MEFV: variants seen among roughly 807,000 people sequenced by gnomAD.
The protein encoded by MEFV is MEFV innate immunity regulator, pyrin, also known as pyrin.
In MEFV, 60 loss-of-function variants were observed where a neutral mutation model predicts 62.5. The ratio of observed to expected loss-of-function variants is 0.96; its 90% CI spans 0.78 to 1.19. The LOEUF (loss-of-function observed/expected upper bound fraction) is 1.19. Among genes scored for constraint, MEFV ranks in the 50% most tolerant of loss-of-function variants. The pLI, the probability that MEFV is intolerant of heterozygous loss-of-function variation, is 0.00. For synonymous variants in MEFV, 500 were observed against 415.2 expected (o/e 1.20, Z -2.48); for missense variants, 1,169 against 1,004.5 (o/e 1.16, Z -2.21).
intron 6 of MEFV, 148 bp from the exon 7 acceptor site, chr16:3,244,736 C>A: frequency 1.4e-6 from 1 of 717,022 alleles, no homozygotes; most frequent in Non-Finnish European, 2.5e-6. Context: ...ATTCAGAGGT[C>A]TAAATGCTGG....
In MEFV at chr16:3,247,076, G is replaced by C; in HGVS notation, c.1527C>G (p.Leu509=). Residue 509 remains leucine, a synonymous_variant, in exon 5 of 10, where the codon CTC becomes CTG. Coordinates refer to ENST00000219596, the MANE Select transcript of MEFV (RefSeq NM_000243.3). ...DTRVSQDIAL[L]DALIGELEAK... ...CCTCCAGTTCCCCAATCAGCGCATC[G>C]AGCAGGGCGATGTCCTGGGATACGC... 6.2e-7 allele frequency: 1 copy of C among 1,614,168 alleles called. No individual in the cohort carries two copies. Among genetic ancestry groups the C allele is most frequent in the Non-Finnish European group, 8.5e-7 (1 of 1,180,026 alleles).
intron 1 of MEFV, among the ~76,000 whole-genome samples, chr16:3,255,267 AGATCG>A (rs751240146): frequency 1.3e-5 from 2 of 151,682 alleles, no homozygotes; most frequent in African/African-American, 4.8e-5. Flanking sequence ...CAGTGAGCTG[AGATCG>A]GGCCACTGCA....
At chr16:3,244,442 G>A (rs769198998) in intron 7 of MEFV, 31 bp downstream of exon 7, 2 of 1,591,624 alleles carry the variant, frequency 1.3e-6, no homozygotes, top group Non-Finnish European at 1.7e-6. Context: ...AAGTGAGCAT[G>A]CACCTCCAAT....
intron 2 of MEFV, among the ~76,000 whole-genome samples, chr16:3,250,023 T>A (rs888377921): frequency 2.6e-5 from 4 of 152,178 alleles, no homozygotes; most frequent in African/African-American, 9.6e-5. Flanking sequence ...TGGGCATTTA[T>A]CCTAAAGAAA....
chr16:3,252,517 G>A (rs930554143), intron 2 of MEFV, among the ~76,000 whole-genome samples: 1 of 151,818 alleles, frequency 6.6e-6, no homozygotes, highest in Non-Finnish European at 1.5e-5. Context: ...CAGGTGATCC[G>A]CCCCCATTGG....
intron 2 of MEFV, among the ~76,000 whole-genome samples, chr16:3,250,510 G>T (rs946181977): frequency 6.6e-6 from 1 of 152,090 alleles, no homozygotes; most frequent in Non-Finnish European, 1.5e-5. Context: ...TTGGGAGGCT[G>T]AGACAGGAGG....
chr16:3,256,623 G>A lies in MEFV; in HGVS notation c.-36C>T, dbSNP rs549713300. Reference sequence around the variant, plus strand: ...AGGAGAGGCTCGAGCCAGCTGTCTGGCTTCTGGTAGGAAAAGAAGCCTCTG... The same window carrying A: ...AGGAGAGGCTCGAGCCAGCTGTCTGACTTCTGGTAGGAAAAGAAGCCTCTG... On this transcript the variant is annotated 5_prime_UTR_variant, in exon 1 of 10. Coordinates refer to ENST00000219596, the MANE Select transcript of MEFV (RefSeq NM_000243.3). The A allele has an allele frequency of 1.2e-6, 2 of 1,613,626 alleles. No homozygotes were observed. The highest frequency in any genetic ancestry group is 1.7e-5 in the Admixed American group (1 of 60,000).
In MEFV at chr16:3,243,629, C is replaced by T; in HGVS notation, c.1858G>A (p.Val620Ile). The T allele has an allele frequency of 6.3e-7, 1 of 1,599,840 alleles. No homozygotes were observed. The highest frequency in any genetic ancestry group is 1.1e-5 in the South Asian group (1 of 89,064). ...CTCTCCCACTTGTTTCCAAGTCTAA[C>T]ACTCTTCAGATCATCAGAGAAGATG... is the stretch of plus-strand genomic sequence containing the variant. Reference protein sequence around the residue: ...NLIFSDDLKSVRLGNKWERLP... With the variant: ...NLIFSDDLKSIRLGNKWERLP... The change falls in exon 10 of 10, where the codon GTT (valine) becomes ATT (isoleucine). Residue 620 changes from valine (V) to isoleucine (I), a missense_variant. Transcript: ENST00000219596.
chr16:3,244,428 G>A (rs776135344), intron 7 of MEFV, 45 bp downstream of exon 7: 2 of 1,591,804 alleles, frequency 1.3e-6, no homozygotes, highest in South Asian at 1.1e-5. Flanking sequence ...GGATCTTAGG[G>A]AGGAAGTGAG....
Position 3,244,453 on chromosome 16 carries a change from C to T in MEFV, c.1726+20G>A. The stretch of plus-strand genomic sequence containing the variant: ...GAGGAAGTGAGCATGCACCTCCAAT[C>T]TTCTCCCAAGCCCATCTACCTGAGA... On this transcript the variant is annotated intron_variant, in intron 7 of 9. Coordinates refer to ENST00000219596, the MANE Select transcript of MEFV (RefSeq NM_000243.3). 1.2e-6 allele frequency: 2 copies of T among 1,608,466 alleles called. No homozygotes were observed. The highest frequency in any genetic ancestry group is 2.2e-5 in the East Asian group (1 of 44,868).
At chr16:3,249,121 C>A (rs948775057) in intron 3 of MEFV, 117 bp from the exon 4 acceptor site, 7 of 1,058,488 alleles carry the variant, frequency 6.6e-6, no homozygotes, top group East Asian at 4.8e-5. Flanking sequence ...CTGCTGCCAG[C>A]GGCATGGGGA....
Position 3,254,502 on chromosome 16 carries a change from C to T in MEFV, c.566G>A (p.Gly189Asp), listed in dbSNP as rs923516953. Reference protein sequence around the residue: ...SPALPGGRSPGPCRALEGGQA... With the variant: ...SPALPGGRSPDPCRALEGGQA... ...GCCCCCCTCTAGCGCCCTGCAGGGG[C>T]CGGGGCTTCTCCCGCCCGGCAGGGC... The change falls in exon 2 of 10, where the codon GGC becomes GAC. Residue 189 changes from glycine to aspartate, a missense_variant. By Grantham distance (94) the Gly-to-Asp change is moderately conservative (BLOSUM62 -1). Transcript: ENST00000219596. 4 of 1,571,730 alleles carry T rather than the reference C, an allele frequency of 2.5e-6. No individual in the cohort carries two copies. Among genetic ancestry groups the T allele is most frequent in the African/African-American group, 1.4e-5 (1 of 73,786 alleles).
At position 3,244,379 on chromosome 16, in the gene MEFV, C is replaced by T. The variant is rs1036920460; in HGVS notation, c.1727-93G>A. ...GAGGTTGAAGGCAGGTCAGCAAGACCAGGGGAAGAGGAGGGAAGTGAGGGG... is the reference window on the plus strand; with the variant it reads ...GAGGTTGAAGGCAGGTCAGCAAGACTAGGGGAAGAGGAGGGAAGTGAGGGG... On this transcript the variant is annotated intron_variant, in intron 7 of 9. Coordinates refer to ENST00000219596, the MANE Select transcript of MEFV (RefSeq NM_000243.3). 9 of 1,604,814 alleles carry T rather than the reference C, an allele frequency of 5.6e-6. No individual in the cohort carries two copies. The Admixed American group carries it at 8.3e-5, about 15-fold the overall frequency.
chr16:3,252,068 T>A (rs895757208), intron 2 of MEFV: 23 of 312,220 alleles, frequency 7.4e-5, no homozygotes, highest in East Asian at 5.4e-4. Context: ...AAAAAAAAAT[T>A]AAAAAAAATA....
In MEFV at chr16:3,243,409, A is replaced by T. The variant is rs749052818; in HGVS notation, c.2078T>A (p.Met693Lys). 1 of 1,614,032 alleles carries T rather than the reference A, an allele frequency of 6.2e-7. No individual in the cohort carries two copies. The highest frequency in any genetic ancestry group is 8.5e-7 in the Non-Finnish European group (1 of 1,179,994). Residue 693 changes from methionine to lysine, a missense_variant, in exon 10 of 10, where the codon ATG becomes AAG. Met to Lys is a moderately conservative substitution (Grantham distance 95). Coordinates refer to ENST00000219596, the MANE Select transcript of MEFV (RefSeq NM_000243.3). ...SPENGYWVVI[M>K]MKENEYQASS... ...CGCCTGGTACTCATTTTCCTTCATC[A>T]TTATCACCACCCAGTAGCCATTCTC...
chr16:3,244,054 T>C (rs1958902546), intron 8 of MEFV, 162 bp from the exon 9 acceptor site: 7 of 1,551,794 alleles, frequency 4.5e-6, no homozygotes, highest in East Asian at 2.4e-5. Context: ...CCAGGCCATG[T>C]TGGGGACTGT....
intron 5 of MEFV, 38 bp downstream of exon 5, chr16:3,246,978 A>G: frequency 6.3e-7 from 1 of 1,593,968 alleles, no homozygotes; most frequent in East Asian, 2.2e-5. Context: ...CCTGATAGGC[A>G]CAGGGGACCC....
rs561747094 is a variant in MEFV at position 3,254,481 on chromosome 16, C to G, written c.587G>C (p.Gly196Ala). The change falls in exon 2 of 10, where the codon GGG becomes GCG. Residue 196 changes from glycine to alanine, a missense_variant. Gly to Ala is a moderately conservative substitution (Grantham distance 60, BLOSUM62 0). Coordinates refer to ENST00000219596, the MANE Select transcript of MEFV (RefSeq NM_000243.3). ...GCGCAGCCGGACCTCGGCCTGGCCC[C>G]CCTCTAGCGCCCTGCAGGGGCCGGG... ...RSPGPCRALE[G>A]GQAEVRLRRN... 7 of 1,584,936 alleles carry G rather than the reference C, an allele frequency of 4.4e-6. No individual in the cohort carries two copies. The highest frequency in any genetic ancestry group is 2.3e-5 in the East Asian group (1 of 44,368).
In MEFV at chr16:3,254,604, C is replaced by T. The variant is rs483353017; in HGVS notation, c.464G>A (p.Arg155Lys). 3 of 1,600,204 alleles carry T rather than the reference C, an allele frequency of 1.9e-6. No individual in the cohort carries two copies. Among genetic ancestry groups the T allele is most frequent in the Non-Finnish European group, 2.6e-6 (3 of 1,175,902 alleles). ...CTCTCTGCGTTTGCTCAGGGGCTTC[C>T]TCGACAGCCCCCTCCCGGCCTCGGG... is the stretch of plus-strand genomic sequence containing the variant. ...SQPEAGRGLS[R>K]KPLSKRREKA... Residue 155 changes from arginine to lysine, a missense_variant, in exon 2 of 10, where the codon AGG (arginine) becomes AAG (lysine). Arg to Lys is a conservative substitution (Grantham distance 26, BLOSUM62 2). Coordinates refer to ENST00000219596, the MANE Select transcript of MEFV (RefSeq NM_000243.3).
Sources: gnomAD v4.1 joint callset for allele counts (sites outside exome capture counted in the v4.1 genomes callset) on GRCh38, gnomAD v4.1.1 for gene constraint, MANE v1.5 for transcripts, NCBI Gene and HGNC (gene_info 2026-07-23, HGNC 2026-07-21) for gene names.